THADA: variants seen among roughly 807,000 people sequenced by gnomAD.
The protein encoded by THADA is tRNA (32-2'-O)-methyltransferase regulator THADA.
Under a neutral mutation model 219.8 loss-of-function variants are expected in THADA, and 213 were observed. The ratio of observed to expected loss-of-function variants is 0.97; its 90% confidence interval spans 0.87 to 1.09. The LOEUF is 1.09. Ranked by LOEUF, THADA falls within the 50% of genes least tolerant of loss-of-function variation. THADA has a pLI of 0.00. For synonymous variants in THADA, 1,018 were observed against 828.9 expected, an observed-to-expected ratio of 1.23 and a Z score of -3.92; for missense variants, 2,956 against 2,311.3, an observed-to-expected ratio of 1.28 and a Z score of -5.72.
chr2:43,395,017 C>A (rs1307021960), intron 29 of THADA, among the ~76,000 whole-genome samples: 1 of 152,192 alleles, frequency 6.6e-6, no homozygotes, highest in African/African-American at 2.4e-5. Context: ...GTAGCCCAGA[C>A]ACAGAGCAAA....
intron 29 of THADA, among the ~76,000 whole-genome samples, chr2:43,359,955 A>G (rs1415482759): frequency 6.6e-6 from 1 of 151,204 alleles, no homozygotes; most frequent in African/African-American, 2.4e-5. Flanking sequence ...CTATTATTAG[A>G]TATATTCCAA....
At chr2:43,590,237 C>G (rs565258999) in intron 4 of THADA, among the ~76,000 whole-genome samples, 1 of 151,830 alleles carries the variant, frequency 6.6e-6, no homozygotes, top group African/African-American at 2.4e-5. Context: ...AAACCAAGAA[C>G]AGATAGGACA....
Position 43,433,193 on chromosome 2 carries a change from A to C in THADA, c.3837-2891T>G, listed in dbSNP as rs1317198429. Among the ~76,000 whole-genome samples the C allele has an allele frequency of 2.0e-5, 3 of 151,704 alleles. No homozygotes were observed. In the East Asian group the frequency reaches 5.8e-4, roughly 29 times the overall value. Reference sequence around the variant, plus strand: ...TCCACATTGGTATTTCATATTTTTAATCGGGAGATTTTTTTTGGAAAAAAA... The same window carrying C: ...TCCACATTGGTATTTCATATTTTTACTCGGGAGATTTTTTTTGGAAAAAAA... On this transcript the variant is annotated intron_variant, in intron 26 of 37. Transcript: ENST00000405975.
At chr2:43,552,070 T>C (rs1000809714) in intron 18 of THADA, 134 bp downstream of exon 18, 41 of 1,519,316 alleles carry the variant, frequency 2.7e-5, no homozygotes, top group African/African-American at 1.8e-4. Context: ...CAGATACGTA[T>C]GTTTTTAAAT....
chr2:43,428,310 A>G, intron 27 of THADA, 79 bp from the exon 28 acceptor site: 4 of 1,401,838 alleles, frequency 2.9e-6, no homozygotes, highest in Non-Finnish European at 3.9e-6. Context: ...TTTTCTCATG[A>G]AATAATTATG....
chr2:43,492,402 G>A (rs1034085185), intron 25 of THADA: 1 of 151,726 alleles, frequency 6.6e-6, no homozygotes, highest in African/African-American at 2.4e-5. Flanking sequence ...GTATATATGT[G>A]TATATTTTTC....
intron 26 of THADA, among the ~76,000 whole-genome samples, chr2:43,437,915 G>C (rs1680326057): frequency 6.6e-6 from 1 of 151,968 alleles, no homozygotes; most frequent in South Asian, 2.1e-4. Flanking sequence ...CTGAATAAAG[G>C]ACAAATAATA....
intron 22 of THADA, among the ~76,000 whole-genome samples, chr2:43,514,644 TAA>T (rs1491262408): frequency 4.1e-5 from 4 of 97,990 alleles, no homozygotes; most frequent in Non-Finnish European, 5.4e-5. Context: ...ATTTTATATA[TAA>T]TATATATATT....
chr2:43,368,047 C>A (rs969863924), intron 29 of THADA, among the ~76,000 whole-genome samples: 1 of 151,902 alleles, frequency 6.6e-6, no homozygotes, highest in Non-Finnish European at 1.5e-5. Context: ...GAACCCGGGA[C>A]GCAGAGGTTG....
chr2:43,483,391 A>C (rs1302800048), intron 26 of THADA, among the ~76,000 whole-genome samples: 1 of 152,236 alleles, frequency 6.6e-6, no homozygotes, highest in East Asian at 1.9e-4. Context: ...AATTTAAGAC[A>C]CTAAAGGTTT....
intron 26 of THADA, among the ~76,000 whole-genome samples, chr2:43,466,521 T>C (rs901887929): frequency 6.6e-5 from 10 of 152,158 alleles, no homozygotes; most frequent in African/African-American, 2.4e-4. Flanking sequence ...TTGGGGTATG[T>C]CTACTCTACT....
At chr2:43,290,258 C>A (rs1386865298) in intron 34 of THADA, among the ~76,000 whole-genome samples, 1 of 151,752 alleles carries the variant, frequency 6.6e-6, no homozygotes, top group Non-Finnish European at 1.5e-5. Flanking sequence ...AGGTGTGAAC[C>A]ACCATGTCTG....
chr2:43,418,426 G>A (rs1228552532), intron 28 of THADA, among the ~76,000 whole-genome samples: 2 of 151,962 alleles, frequency 1.3e-5, no homozygotes, highest in Non-Finnish European at 2.9e-5. Flanking sequence ...GAACCTCTGT[G>A]CCACCCTGAG....
intron 29 of THADA, among the ~76,000 whole-genome samples, chr2:43,386,837 G>A (rs531482260): frequency 1.9e-4 from 29 of 150,736 alleles, no homozygotes; most frequent in Admixed American, 6.6e-4. Context: ...GGCAGAGGTT[G>A]CAGTGAGCCG....
At chr2:43,438,714 T>C (rs140345831) in intron 26 of THADA, among the ~76,000 whole-genome samples, 2 of 152,182 alleles carry the variant, frequency 1.3e-5, no homozygotes, top group Non-Finnish European at 2.9e-5. Flanking sequence ...CCCCCCCTTA[T>C]CTGAGGGGAT....
At chr2:43,308,913 G>A (rs1677187775) in intron 31 of THADA, among the ~76,000 whole-genome samples, 1 of 152,018 alleles carries the variant, frequency 6.6e-6, no homozygotes, top group African/African-American at 2.4e-5. Flanking sequence ...CCTTGGAATA[G>A]GCAAGGATTT....
At chr2:43,287,409 T>G (rs575753851) in intron 34 of THADA, among the ~76,000 whole-genome samples, 7 of 152,274 alleles carry the variant, frequency 4.6e-5, no homozygotes, top group African/African-American at 1.7e-4. Flanking sequence ...ATTCTCTTGC[T>G]TCAGCCTTCC....
intron 8 of THADA, among the ~76,000 whole-genome samples, chr2:43,579,256 T>C (rs1461604667): frequency 6.6e-6 from 1 of 152,186 alleles, no homozygotes; most frequent in Non-Finnish European, 1.5e-5. Flanking sequence ...CAACACCACC[T>C]GTCCCCTCCC....
At chr2:43,321,831 C>T (rs1469672304) in intron 30 of THADA, among the ~76,000 whole-genome samples, 1 of 152,216 alleles carries the variant, frequency 6.6e-6, no homozygotes, top group Non-Finnish European at 1.5e-5. Context: ...CCTTGCCCTT[C>T]TCTACTTCCA....
Sources: allele counts gnomAD v4.1 joint callset (sites outside exome capture counted in the v4.1 genomes callset), GRCh38; gene constraint gnomAD v4.1.1; transcripts MANE v1.5; gene names NCBI Gene and HGNC (gene_info 2026-07-23, HGNC 2026-07-21).